Variants in GRAMD1B observed in about 807,000 individuals in gnomAD.
GRAMD1B encodes GRAM domain containing 1B, also known as protein Aster-B.
GRAMD1B carries 37 observed loss-of-function variants against 99.7 expected under a neutral mutation model. The observed-to-expected ratio is 0.37, with a 90% CI of 0.29 to 0.49. GRAMD1B has a LOEUF of 0.49. Ranked by LOEUF, GRAMD1B falls within the 20% of genes least tolerant of loss-of-function variation. GRAMD1B has a pLI of 0.98. For missense variants in GRAMD1B, 888 were observed against 1,009.2 expected (o/e 0.88, Z 1.63); for synonymous variants, 427 against 387.6 (o/e 1.10, Z -1.19).
chr11:123,391,603 A>C (rs1314976256), intron 1 of GRAMD1B, among the ~76,000 whole-genome samples: 1 of 152,060 alleles, frequency 6.6e-6, no homozygotes, highest in African/African-American at 2.4e-5. Flanking sequence ...ATTACAGGTG[A>C]CTGCCAGCAC....
chr11:123,375,583 A>G (rs764539993), intron 1 of GRAMD1B, among the ~76,000 whole-genome samples: 9 of 152,370 alleles, frequency 5.9e-5, no homozygotes, highest in Middle Eastern at 3.4e-3. Context: ...ATAACTAGCA[A>G]TGTACTAGAT....
chr11:123,519,864 G>A (rs912647118), intron 2 of GRAMD1B, among the ~76,000 whole-genome samples: 1 of 152,260 alleles, frequency 6.6e-6, no homozygotes, highest in Non-Finnish European at 1.5e-5. Flanking sequence ...GGAGGCAGGA[G>A]GGCCGAATTC....
At chr11:123,441,599 T>C (rs1407159596) in intron 1 of GRAMD1B, among the ~76,000 whole-genome samples, 2 of 151,204 alleles carry the variant, frequency 1.3e-5, no homozygotes, top group Non-Finnish European at 3.0e-5. Context: ...CTGGGCAACA[T>C]AGTGAGACCC....
chr11:123,613,653 T>C lies in GRAMD1B; in HGVS notation c.2222T>C (p.Val741Ala). The C allele has an allele frequency of 6.2e-7, 1 of 1,612,680 alleles. No individual in the cohort carries two copies. The highest frequency in any genetic ancestry group is 8.5e-7 in the Non-Finnish European group (1 of 1,179,456). ...DEDVGHRIKH[V>A]AGSTQTRHIP... ...GATGTGGGCCACAGGATCAAACATG[T>C]GGCAGGTGTGTGCCAGGTGGGGACA... is the stretch of plus-strand genomic sequence containing the variant. The change falls in exon 16 of 20, where the codon GTG becomes GCG. Residue 741 changes from valine (V) to alanine (A), a missense_variant. Coordinates refer to ENST00000635736, the MANE Select transcript of GRAMD1B (RefSeq NM_001387025.1).
At chr11:123,462,963 T>G (rs1950509536) in intron 1 of GRAMD1B, among the ~76,000 whole-genome samples, 1 of 150,824 alleles carries the variant, frequency 6.6e-6, no homozygotes, top group African/African-American at 2.4e-5. Flanking sequence ...AGACGTGCCA[T>G]GTATCCCTGT....
chr11:123,484,032 C>G (rs1951753313), intron 2 of GRAMD1B, among the ~76,000 whole-genome samples: 1 of 152,182 alleles, frequency 6.6e-6, no homozygotes, highest in African/African-American at 2.4e-5. Context: ...GCAGTTCTCT[C>G]AGTCCCTGGA....
At chr11:123,579,474 G>T (rs998974386) in intron 3 of GRAMD1B, among the ~76,000 whole-genome samples, 1 of 152,200 alleles carries the variant, frequency 6.6e-6, no homozygotes, top group East Asian at 1.9e-4. Flanking sequence ...CAGGGAAGGA[G>T]GAACTTTACC....
intron 11 of GRAMD1B, among the ~76,000 whole-genome samples, chr11:123,607,514 G>A (rs1952898724): frequency 6.6e-6 from 1 of 152,222 alleles, no homozygotes; most frequent in African/African-American, 2.4e-5. Flanking sequence ...GCCACCTGCA[G>A]TGGTTTTCTA....
At chr11:123,431,424 C>G (rs1416245053) in intron 1 of GRAMD1B, among the ~76,000 whole-genome samples, 1 of 152,252 alleles carries the variant, frequency 6.6e-6, no homozygotes, top group African/African-American at 2.4e-5. Flanking sequence ...CATTCCATCT[C>G]CCTTGATCCT....
chr11:123,403,835 C>T (rs909980214), intron 1 of GRAMD1B, among the ~76,000 whole-genome samples: 17 of 152,194 alleles, frequency 1.1e-4, no homozygotes, highest in East Asian at 9.7e-4. Context: ...TGAGCCACCG[C>T]GCCCGGCCTG....
At chr11:123,381,343 TGC>T (rs1946865881) in intron 1 of GRAMD1B, 8 of 154,230 alleles carry the variant, frequency 5.2e-5, no homozygotes, top group Admixed American at 2.6e-4. Flanking sequence ...AAAAGGGAAG[TGC>T]TTAATGGCAA....
At chr11:123,433,210 C>T (rs1027640759) in intron 1 of GRAMD1B, among the ~76,000 whole-genome samples, 4 of 151,946 alleles carry the variant, frequency 2.6e-5, no homozygotes, top group African/African-American at 9.7e-5. Context: ...AACCCTGTCT[C>T]TACTAAAAAT....
intron 1 of GRAMD1B, among the ~76,000 whole-genome samples, chr11:123,453,415 C>G (rs1949976924): frequency 6.6e-6 from 1 of 152,108 alleles, no homozygotes; most frequent in Non-Finnish European, 1.5e-5. Flanking sequence ...CTCCTGGGTT[C>G]AAGCAATTCT....
At chr11:123,545,974 AG>A (rs1367780032) in intron 2 of GRAMD1B, among the ~76,000 whole-genome samples, 1 of 152,234 alleles carries the variant, frequency 6.6e-6, no homozygotes, top group African/African-American at 2.4e-5. Context: ...TTACAGAGTG[AG>A]GAGAAAAATC....
In GRAMD1B at chr11:123,462,309, C is replaced by T. The variant is rs373966946; in HGVS notation, c.375-18507C>T. Among the ~76,000 whole-genome samples, 16 of 152,190 alleles carry T rather than the reference C, an allele frequency of 1.1e-4. No homozygotes were observed. The East Asian group carries it at 3.1e-3, about 30-fold the overall frequency. On this transcript the variant is annotated intron_variant, in intron 1 of 19. Transcript: ENST00000635736. The stretch of plus-strand genomic sequence containing the variant: ...TATGGTTTCACCTGTGGCTTTGTGA[C>T]CTCAGTGGCAGGTGCCATCCCCTGA...
intron 8 of GRAMD1B, 143 bp from the exon 9 acceptor site, chr11:123,603,282 TG>T (rs1012622503): frequency 6.4e-6 from 4 of 623,208 alleles, no homozygotes; most frequent in African/African-American, 5.5e-5. Flanking sequence ...CCAAGGCAGA[TG>T]GGGGTGGTGG....
chr11:123,484,082 CA>C (rs1361194594), intron 2 of GRAMD1B, among the ~76,000 whole-genome samples: 4 of 152,284 alleles, frequency 2.6e-5, no homozygotes, highest in Non-Finnish European at 5.9e-5. Flanking sequence ...TAGATTGCAG[CA>C]ATCATAATCT....
rs372613340 is a variant in GRAMD1B, at chr11:123,609,763, T to C, written c.1658-32T>C. The C allele has an allele frequency of 2.4e-6, 3 of 1,253,312 alleles. No homozygotes were observed. In the African/African-American group the frequency reaches 4.4e-5, roughly 19 times the overall value. 77.6% of individuals were successfully genotyped at this position (1,253,312 alleles called of 1,614,324 possible). On this transcript the variant is annotated intron_variant, in intron 12 of 19. Coordinates refer to ENST00000635736, the MANE Select transcript of GRAMD1B (RefSeq NM_001387025.1). ...ATTGGGGAGAGGGCTCTGCCCTCCC[T>C]TCCTCATTCCAGGGCTCTCCTCTAC...
intron 4 of GRAMD1B, among the ~76,000 whole-genome samples, chr11:123,588,298 A>T (rs1592151959): frequency 6.6e-6 from 1 of 151,748 alleles, no homozygotes; most frequent in African/African-American, 2.4e-5. Context: ...CGTAGAGTTA[A>T]TGTTTAGCCC....
Sources: gnomAD v4.1 joint callset for allele counts (sites outside exome capture counted in the v4.1 genomes callset) on GRCh38, gnomAD v4.1.1 for gene constraint, MANE v1.5 for transcripts, NCBI Gene and HGNC (gene_info 2026-07-23, HGNC 2026-07-21) for gene names.